Variants in EVL observed in about 807,000 individuals in gnomAD.
EVL encodes the protein Enah/Vasp-like.
Under a neutral mutation model 59.6 loss-of-function variants are expected in EVL, and 21 were observed. The ratio of observed to expected loss-of-function variants is 0.35; its 90% CI spans 0.25 to 0.51. The LOEUF is 0.51. Among genes scored for constraint, EVL ranks in the 20% least tolerant of loss-of-function variants. The pLI is 0.97. For missense variants in EVL, 462 were observed against 546.6 expected (o/e 0.85, Z 1.54); for synonymous variants, 198 against 203.5 (o/e 0.97, Z 0.23).
chr14:99,979,810 A>G (rs945788171), intron 1 of EVL, among the ~76,000 whole-genome samples: 1 of 152,220 alleles, frequency 6.6e-6, no homozygotes, highest in Non-Finnish European at 1.5e-5. Context: ...CAGAGCTTGC[A>G]GTGAGCCAAG....
chr14:100,052,217 T>C (rs1281183064), intron 1 of EVL, among the ~76,000 whole-genome samples: 2 of 152,232 alleles, frequency 1.3e-5, no homozygotes, highest in Non-Finnish European at 2.9e-5. Context: ...AGGTCAAACT[T>C]TTTCTGACAG....
intron 1 of EVL, among the ~76,000 whole-genome samples, chr14:99,984,670 G>A (rs959450075): frequency 1.3e-5 from 2 of 152,128 alleles, no homozygotes; most frequent in Admixed American, 1.3e-4. Context: ...CTGGAGTGCA[G>A]TGGTGCGATC....
Position 100,058,094 on chromosome 14 carries a change from A to C in EVL, c.6-26593A>C, listed in dbSNP as rs56340539. On this transcript the variant is annotated intron_variant, in intron 1 of 13. Transcript: ENST00000402714. ...AGTGAGGTTAGTCTGTTTACAGAAA[A>C]GAAAACTAAAATCCACAGAAGAAAG... is the stretch of plus-strand genomic sequence containing the variant. Among the ~76,000 whole-genome samples, 1,852 of 152,332 alleles carry C rather than the reference A, an allele frequency of 0.012. 98 individuals are homozygous for C. The East Asian group carries it at 0.18, about 15-fold the overall frequency.
At chr14:100,135,186 CCA>C (rs1309735381) in intron 8 of EVL, 1 of 152,218 alleles carries the variant, frequency 6.6e-6, no homozygotes, top group Non-Finnish European at 1.5e-5. Context: ...TACTCGTTCA[CCA>C]CACAGATACG....
chr14:100,086,130 A>T (rs1427572645), intron 2 of EVL, among the ~76,000 whole-genome samples: 1 of 152,210 alleles, frequency 6.6e-6, no homozygotes, highest in Non-Finnish European at 1.5e-5. Context: ...CTCCGAAAAG[A>T]TAGTCTTTCT....
intron 1 of EVL, among the ~76,000 whole-genome samples, chr14:100,067,482 G>T (rs1014984900): frequency 6.6e-6 from 1 of 152,130 alleles, no homozygotes; most frequent in African/African-American, 2.4e-5. Flanking sequence ...GTGTTGTGGG[G>T]CGTTTTTGTT....
Position 100,125,169 on chromosome 14 carries a change from TACACACAC to T in EVL, c.423-1519_423-1512del, listed in dbSNP as rs34405834. 9.7e-5 allele frequency among the ~76,000 whole-genome samples: 10 copies of T among 103,146 alleles called. 1 individual carries two copies. The highest frequency in any genetic ancestry group is 8.3e-4 in the East Asian group (3 of 3,616). 67.7% of individuals were successfully genotyped at this position (103,146 alleles called of 152,430 possible). A position where few individuals can be genotyped will look rare whatever the true frequency, so the allele number is the denominator to read the frequency against. On this transcript the variant is annotated intron_variant, in intron 4 of 13. Transcript: ENST00000392920. ...ACACACACCTGCCCCAAGGCAGGAA[TACACACAC>T]ACACACACACACACACACCTGCCCC... is the stretch of plus-strand genomic sequence containing the variant.
chr14:100,133,482 T>G (rs887691012), intron 8 of EVL, among the ~76,000 whole-genome samples: 45 of 152,244 alleles, frequency 3.0e-4, no homozygotes, highest in Admixed American at 9.8e-4. Context: ...CTTCCTGCCC[T>G]GTCCTCCCAT....
At chr14:100,085,944 G>A (rs991803375) in intron 2 of EVL, among the ~76,000 whole-genome samples, 1 of 152,094 alleles carries the variant, frequency 6.6e-6, no homozygotes, top group Non-Finnish European at 1.5e-5. Context: ...TGGCTAACAC[G>A]GCGAAACCCC....
intron 1 of EVL, among the ~76,000 whole-genome samples, chr14:100,040,959 ACT>A (rs2061458885): frequency 6.6e-6 from 1 of 152,090 alleles, no homozygotes; most frequent in South Asian, 2.1e-4. Flanking sequence ...GGCTAAAGAC[ACT>A]CCATTTGAGA....
intron 8 of EVL, chr14:100,135,560 G>A: frequency 3.5e-6 from 1 of 286,396 alleles, no homozygotes; most frequent in Admixed American, 4.5e-5. Flanking sequence ...CCAGTCCACG[G>A]GGTGCTCATG....
intron 1 of EVL, among the ~76,000 whole-genome samples, chr14:100,068,844 G>GA (rs2061991608): frequency 6.6e-6 from 1 of 152,144 alleles, no homozygotes; most frequent in Non-Finnish European, 1.5e-5. Flanking sequence ...AGGCTGACCT[G>GA]AGCAGGAAGT....
At chr14:100,058,479 T>C (rs941605962) in intron 1 of EVL, among the ~76,000 whole-genome samples, 5 of 152,230 alleles carry the variant, frequency 3.3e-5, no homozygotes, top group Non-Finnish European at 7.3e-5. Flanking sequence ...GCGCAATTCA[T>C]GGTTTCACAT....
At chr14:100,082,255 C>CA (rs1237561475) in intron 1 of EVL, among the ~76,000 whole-genome samples, 1 of 151,804 alleles carries the variant, frequency 6.6e-6, no homozygotes, top group Non-Finnish European at 1.5e-5. Context: ...TCACTGAGGG[C>CA]AGGTACTGTT....
upstream of EVL, among the ~76,000 whole-genome samples, chr14:100,065,117 T>G (rs1162844069): frequency 1.4e-5 from 2 of 139,778 alleles, no homozygotes; most frequent in South Asian, 4.7e-4. Context: ...ACTATAGAGC[T>G]AGTTAGTGGG....
In EVL at chr14:100,130,822, G is replaced by T. The variant is rs951044663; in HGVS notation, c.839+1138G>T. Among the ~76,000 whole-genome samples, 2 of 152,222 alleles carry T rather than the reference G, an allele frequency of 1.3e-5. No individual in the cohort carries two copies. The highest frequency in any genetic ancestry group is 1.9e-4 in the East Asian group (1 of 5,194). The stretch of plus-strand genomic sequence containing the variant: ...GAGCAGCAAGGTGGATCCGCAGCAC[G>T]GGCGTCTCCGGAGCCTCTACTGGGC... On this transcript the variant is annotated intron_variant, in intron 7 of 13. Coordinates refer to ENST00000392920, the MANE Select transcript of EVL (RefSeq NM_016337.3). This position sits in a 1 kb window ranked among gnomAD's most constrained non-coding sequence, Gnocchi z 4.8.
intron 2 of EVL, among the ~76,000 whole-genome samples, chr14:100,094,326 C>T (rs72711943): frequency 0.062 from 9,369 of 152,122 alleles, 462 homozygotes; most frequent in East Asian, 0.27. Context: ...CTGGATTAGG[C>T]GTCATCTGCC....
intron 8 of EVL, among the ~76,000 whole-genome samples, chr14:100,133,074 G>A (rs551666353): frequency 6.6e-6 from 1 of 152,376 alleles, no homozygotes; most frequent in East Asian, 1.9e-4. Context: ...AGGAGCCCCG[G>A]GGAGCACAGA....
chr14:100,070,759 T>C (rs74084471), intron 1 of EVL, among the ~76,000 whole-genome samples: 11,843 of 152,242 alleles, frequency 0.078, 885 homozygotes, highest in African/African-American at 0.19. Context: ...GTCCCAATCC[T>C]TGGCCCAAGC....
Sources: gnomAD v4.1 joint callset for allele counts (sites outside exome capture counted in the v4.1 genomes callset) on GRCh38, gnomAD v4.1.1 for gene constraint, Gnocchi (gnomAD v3.1) non-coding constraint, MANE v1.5 for transcripts, NCBI Gene and HGNC (gene_info 2026-07-23, HGNC 2026-07-21) for gene names.